The following GALNT16 variants were observed in gnomAD, a reference collection of about 807,000 sequenced individuals.
GALNT16 encodes the protein polypeptide N-acetylgalactosaminyltransferase 16.
GALNT16 carries 40 observed loss-of-function variants against 76.1 expected under a neutral mutation model. The observed-to-expected ratio is 0.53, with a 90% CI of 0.41 to 0.68. The LOEUF is 0.68. Among genes scored for constraint, GALNT16 ranks in the 30% least tolerant of loss-of-function variants. The pLI, the probability that GALNT16 is intolerant of heterozygous loss-of-function variation, is 0.00. For missense variants in GALNT16, 621 were observed against 731.9 expected (o/e 0.85, Z 1.75); for synonymous variants, 276 against 285.2 (o/e 0.97, Z 0.32).
intron 1 of GALNT16, among the ~76,000 whole-genome samples, chr14:69,269,134 T>G (rs1427877067): frequency 6.6e-6 from 1 of 152,226 alleles, no homozygotes; most frequent in Non-Finnish European, 1.5e-5. Context: ...TTTTTCTTTT[T>G]TTAAGATTTT....
chr14:69,374,626 T>C, the GALNT16 span, among the ~76,000 whole-genome samples: 10 of 152,228 alleles, frequency 6.6e-5, no homozygotes, highest in Admixed American at 6.5e-4. Context: ...TTTTGAACAG[T>C]AGTGGTATAT....
the GALNT16 span, among the ~76,000 whole-genome samples, chr14:69,385,979 A>T: frequency 6.6e-6 from 1 of 151,900 alleles, no homozygotes; most frequent in African/African-American, 2.4e-5. Flanking sequence ...CATGCTAGGC[A>T]CTCCTACTTC....
intron 1 of GALNT16, among the ~76,000 whole-genome samples, chr14:69,302,328 A>T (rs191102729): frequency 0.014 from 2,173 of 152,220 alleles, 53 homozygotes; most frequent in African/African-American, 0.05. Flanking sequence ...CTGTTTTTTT[A>T]AAAAAAGATT....
rs368324979 is a variant in GALNT16, at chr14:69,352,834, AC to A, written c.*669del. 4.5e-4 allele frequency among the ~76,000 whole-genome samples: 68 copies of A among 152,294 alleles called. 2 individuals are homozygous for A. Among genetic ancestry groups the A allele is most frequent in the East Asian group, 2.5e-3 (13 of 5,180 alleles). On this transcript the variant is annotated 3_prime_UTR_variant, in exon 15 of 15. Transcript: ENST00000448469. Reference sequence around the variant, plus strand: ...AAGCACCAAAAGAACAAGGTCTCTTACCCAGGACACAGTCCCTTCCACACTT... The same window carrying A: ...AAGCACCAAAAGAACAAGGTCTCTTACCAGGACACAGTCCCTTCCACACTT...
At chr14:69,302,730 A>G (rs2044871798) in intron 1 of GALNT16, among the ~76,000 whole-genome samples, 1 of 152,248 alleles carries the variant, frequency 6.6e-6, no homozygotes, top group Non-Finnish European at 1.5e-5. Flanking sequence ...GTAAAAATAC[A>G]AGACATCCAG....
chr14:69,292,289 G>A (rs886988893), intron 1 of GALNT16, among the ~76,000 whole-genome samples: 2 of 152,348 alleles, frequency 1.3e-5, no homozygotes, highest in South Asian at 2.1e-4. Context: ...TCCTGAGTTA[G>A]TGCTCTTAGC....
Position 69,352,019 on chromosome 14 carries a change from T to G in GALNT16, c.1540-12T>G. The stretch of plus-strand genomic sequence containing the variant: ...TCTCCTTCCTCTTCTAACCCATCTC[T>G]GTTCCTCCTAGAAATGGAGGAGAAA... On this transcript the variant is annotated splice_polypyrimidine_tract_variant and intron_variant, in intron 14 of 14. Coordinates refer to ENST00000448469, the MANE Select transcript of GALNT16 (RefSeq NM_001168368.2). 6.2e-7 allele frequency: 1 copy of G among 1,606,868 alleles called. No homozygotes were observed. Among genetic ancestry groups the G allele is most frequent in the Non-Finnish European group, 8.5e-7 (1 of 1,176,382 alleles).
chr14:69,332,367 A>G (rs1271944376), intron 7 of GALNT16, among the ~76,000 whole-genome samples: 1 of 134,426 alleles, frequency 7.4e-6, no homozygotes, highest in Non-Finnish European at 1.7e-5. Context: ...AATTCAAATT[A>G]AATAAAACTT....
At chr14:69,322,439 C>T (rs1004273993) in intron 2 of GALNT16, among the ~76,000 whole-genome samples, 1 of 152,342 alleles carries the variant, frequency 6.6e-6, no homozygotes, top group African/African-American at 2.4e-5. Flanking sequence ...TCTCTGTTCA[C>T]CCCCCAGCTT....
At chr14:69,280,580 A>G (rs1300347829) in intron 1 of GALNT16, among the ~76,000 whole-genome samples, 1 of 152,192 alleles carries the variant, frequency 6.6e-6, no homozygotes, top group Non-Finnish European at 1.5e-5. Context: ...TTCCTGGATC[A>G]TATGGTAATT....
chr14:69,378,179 A>T, the GALNT16 span, among the ~76,000 whole-genome samples: 1 of 152,254 alleles, frequency 6.6e-6, no homozygotes, highest in Non-Finnish European at 1.5e-5. Flanking sequence ...ATTAAGCCAG[A>T]GAACTGGAAG....
the GALNT16 span, among the ~76,000 whole-genome samples, chr14:69,368,113 A>G: frequency 4.2e-4 from 64 of 152,322 alleles, no homozygotes; most frequent in African/African-American, 1.5e-3. Flanking sequence ...ATTAGAGGGT[A>G]GTGATGGATG....
At chr14:69,359,698 C>T (rs1220863787), downstream of GALNT16, among the ~76,000 whole-genome samples, 1 of 152,200 alleles carries the variant, frequency 6.6e-6, no homozygotes, top group Admixed American at 6.5e-5. Flanking sequence ...TCAATGGTCC[C>T]ACAGACCAGC....
intron 1 of GALNT16, among the ~76,000 whole-genome samples, chr14:69,288,788 A>G (rs1194942570): frequency 2.6e-5 from 4 of 152,184 alleles, no homozygotes; most frequent in African/African-American, 7.2e-5. Context: ...AGAAAAACCA[A>G]CACCTGGAGA....
chr14:69,371,022 A>C, the GALNT16 span, among the ~76,000 whole-genome samples: 1 of 152,358 alleles, frequency 6.6e-6, no homozygotes, highest in East Asian at 1.9e-4. Flanking sequence ...TGTTTTTATC[A>C]GATCTTTTGG....
chr14:69,380,368 C>A, the GALNT16 span: 5 of 428,062 alleles, frequency 1.2e-5, no homozygotes, highest in African/African-American at 2.0e-5. Flanking sequence ...GAGGAGGTAA[C>A]GGGGGTTTCC....
chr14:69,279,713 C>T (rs1355403160), intron 1 of GALNT16, among the ~76,000 whole-genome samples: 1 of 152,202 alleles, frequency 6.6e-6, no homozygotes, highest in Non-Finnish European at 1.5e-5. Context: ...TGAAGATGAG[C>T]GTGTGCTTGG....
At chr14:69,379,193 A>G in the GALNT16 span, among the ~76,000 whole-genome samples, 2 of 151,880 alleles carry the variant, frequency 1.3e-5, no homozygotes, top group Admixed American at 1.3e-4. Context: ...GTCCACCTCA[A>G]CCTCCCAAAG....
downstream of GALNT16, chr14:69,359,043 C>T (rs2045708959): frequency 6.6e-6 from 1 of 152,494 alleles, no homozygotes; most frequent in African/African-American, 2.4e-5. Flanking sequence ...TGATCCCCCA[C>T]CTGTCTGAAA....
Sources: allele counts gnomAD v4.1 joint callset (sites outside exome capture counted in the v4.1 genomes callset), GRCh38; gene constraint gnomAD v4.1.1; transcripts MANE v1.5; gene names NCBI Gene and HGNC (gene_info 2026-07-23, HGNC 2026-07-21).